Variants in TACR1 observed in about 807,000 individuals in gnomAD.
The protein encoded by TACR1 is tachykinin receptor 1.
Under a neutral mutation model 35.8 loss-of-function variants are expected in TACR1, and 25 were observed. The ratio of observed to expected loss-of-function variants is 0.70; its 90% CI spans 0.51 to 0.98. The LOEUF (loss-of-function observed/expected upper bound fraction) is 0.98. Among genes scored for constraint, TACR1 ranks in the 50% least tolerant of loss-of-function variants. TACR1 has a pLI of 0.00. For synonymous variants in TACR1, 195 were observed against 206.7 expected (o/e 0.94, Z 0.48); for missense variants, 478 against 522.9 (o/e 0.91, Z 0.84).
chr2:75,199,099 A>G lies in TACR1; in HGVS notation c.-165T>C. ...TGAAAGCTGAACTGGCGCTCAGAAT[A>G]TAAACGCTTCTGGATGCACTGCCCG... On this transcript the variant is annotated 5_prime_UTR_variant, in exon 1 of 5. Coordinates refer to ENST00000305249, the MANE Select transcript of TACR1 (RefSeq NM_001058.4). 1 of 853,816 alleles carries G rather than the reference A, an allele frequency of 1.2e-6. No homozygotes were observed. The highest frequency in any genetic ancestry group is 1.8e-6 in the Non-Finnish European group (1 of 564,894). The allele number at this position is 853,816 out of a possible 1,614,324, so 52.9% of individuals were successfully genotyped here.
At chr2:75,191,967 G>T (rs944828456) in intron 1 of TACR1, among the ~76,000 whole-genome samples, 2 of 152,030 alleles carry the variant, frequency 1.3e-5, no homozygotes, top group African/African-American at 2.4e-5. Context: ...AGATAGACAA[G>T]GTACAGACAG....
chr2:75,139,060 T>G (rs1674351416), intron 1 of TACR1, among the ~76,000 whole-genome samples: 1 of 152,218 alleles, frequency 6.6e-6, no homozygotes, highest in African/African-American at 2.4e-5. Context: ...CTGCTGGCCA[T>G]AGTTTACTGA....
intron 1 of TACR1, among the ~76,000 whole-genome samples, chr2:75,122,929 A>G (rs1673997793): frequency 6.6e-6 from 1 of 151,488 alleles, no homozygotes; most frequent in Non-Finnish European, 1.5e-5. Flanking sequence ...TCTCCCCTAG[A>G]CCTGTGTCTT....
At chr2:75,100,239 C>G (rs1287205064) in intron 2 of TACR1, among the ~76,000 whole-genome samples, 1 of 152,182 alleles carries the variant, frequency 6.6e-6, no homozygotes, top group Non-Finnish European at 1.5e-5. Context: ...GACAATTTGC[C>G]TACCACTTTG....
At chr2:75,057,244 T>C (rs1332744101) in intron 2 of TACR1, among the ~76,000 whole-genome samples, 4 of 152,188 alleles carry the variant, frequency 2.6e-5, no homozygotes, top group Non-Finnish European at 4.4e-5. Context: ...TCATCCTGGC[T>C]CATCCTGGCT....
intron 2 of TACR1, among the ~76,000 whole-genome samples, chr2:75,088,831 C>T (rs548523040): frequency 6.6e-6 from 1 of 152,184 alleles, no homozygotes; most frequent in African/African-American, 2.4e-5. Flanking sequence ...GTTGATTCTC[C>T]TCACTCCCTG....
intron 2 of TACR1, among the ~76,000 whole-genome samples, chr2:75,114,087 G>C (rs2103893890): frequency 6.6e-6 from 1 of 152,214 alleles, no homozygotes; most frequent in East Asian, 1.9e-4. Flanking sequence ...GTTACAGTTG[G>C]TACCTGTAGA....
chr2:75,118,739 A>G (rs77880978), intron 2 of TACR1: 313 of 152,376 alleles, frequency 2.1e-3, no homozygotes, highest in African/African-American at 7.3e-3. Flanking sequence ...TGAAAAGACC[A>G]TGAAAACTAA....
At chr2:75,161,816 TACTC>T (rs951740011) in intron 1 of TACR1, among the ~76,000 whole-genome samples, 2 of 152,034 alleles carry the variant, frequency 1.3e-5, no homozygotes, top group African/African-American at 4.8e-5. Context: ...AAAAAACTAT[TACTC>T]AGGAAAAGTT....
At chr2:75,160,594 C>T (rs181659924) in intron 1 of TACR1, among the ~76,000 whole-genome samples, 3 of 151,158 alleles carry the variant, frequency 2.0e-5, no homozygotes, top group African/African-American at 4.8e-5. Context: ...GTTACAAAAT[C>T]GGATTCAGCA....
intron 1 of TACR1, among the ~76,000 whole-genome samples, chr2:75,172,497 A>G (rs1360335725): frequency 6.6e-6 from 1 of 152,010 alleles, no homozygotes; most frequent in East Asian, 1.9e-4. Flanking sequence ...GCCCCCTTCC[A>G]TGTCTTCCCT....
chr2:75,193,797 A>C (rs566233615), intron 1 of TACR1, among the ~76,000 whole-genome samples: 1 of 152,188 alleles, frequency 6.6e-6, no homozygotes, highest in Non-Finnish European at 1.5e-5. Context: ...ATATCTGTAC[A>C]ACCCATATGA....
At chr2:75,147,931 A>G (rs2103959803) in intron 1 of TACR1, among the ~76,000 whole-genome samples, 1 of 151,816 alleles carries the variant, frequency 6.6e-6, no homozygotes, top group African/African-American at 2.4e-5. Context: ...TTTTTTTAGT[A>G]GAGATGGGGT....
intron 2 of TACR1, among the ~76,000 whole-genome samples, chr2:75,061,195 G>C (rs1395165385): frequency 6.6e-6 from 1 of 151,790 alleles, no homozygotes; most frequent in Non-Finnish European, 1.5e-5. Context: ...GGGAGAGGCT[G>C]GAGGGGAGAG....
chr2:75,091,343 T>C (rs577653767), intron 2 of TACR1, among the ~76,000 whole-genome samples: 3 of 152,018 alleles, frequency 2.0e-5, no homozygotes, highest in Non-Finnish European at 4.4e-5. Flanking sequence ...AATTGGGTGA[T>C]GTTCAAGACC....
intron 2 of TACR1, among the ~76,000 whole-genome samples, chr2:75,084,440 A>T (rs1673154093): frequency 6.6e-6 from 1 of 152,238 alleles, no homozygotes; most frequent in South Asian, 2.1e-4. Flanking sequence ...TGTTGGCCTC[A>T]TAAAATGAGT....
chr2:75,181,593 A>T (rs1316048281), intron 1 of TACR1, among the ~76,000 whole-genome samples: 3 of 152,188 alleles, frequency 2.0e-5, no homozygotes, highest in Non-Finnish European at 4.4e-5. Context: ...GTCAAATTCC[A>T]ATAATGCTCA....
At chr2:75,153,666 C>G (rs985992959) in intron 1 of TACR1, among the ~76,000 whole-genome samples, 21 of 152,160 alleles carry the variant, frequency 1.4e-4, no homozygotes, top group African/African-American at 5.1e-4. Flanking sequence ...GAAGCAATGG[C>G]AAAACTTCTG....
At chr2:75,055,620 T>C (rs1414144823) in intron 2 of TACR1, among the ~76,000 whole-genome samples, 1 of 152,236 alleles carries the variant, frequency 6.6e-6, no homozygotes, top group Non-Finnish European at 1.5e-5. Context: ...GACTAATAGT[T>C]TGTGACCAAA....
Sources: gnomAD v4.1 joint callset for allele counts (sites outside exome capture counted in the v4.1 genomes callset) on GRCh38, gnomAD v4.1.1 for gene constraint, MANE v1.5 for transcripts, NCBI Gene and HGNC (gene_info 2026-07-23, HGNC 2026-07-21) for gene names.